Variants in ALDOA observed in about 807,000 individuals in gnomAD.
ALDOA encodes fructose-bisphosphate aldolase A.
ALDOA carries 26 observed loss-of-function variants against 43.9 expected under a neutral mutation model. The ratio of observed to expected loss-of-function variants is 0.59; its 90% CI spans 0.43 to 0.82. ALDOA has a LOEUF of 0.82. Ranked by LOEUF, ALDOA falls within the 40% of genes least tolerant of loss-of-function variation. The pLI is 0.00. For missense variants in ALDOA, 498 were observed against 549.5 expected, an observed-to-expected ratio of 0.91 and a Z score of 0.94; for synonymous variants, 258 against 222.6, an observed-to-expected ratio of 1.16 and a Z score of -1.42.
chr16:30,064,730 C>A (rs1438510918), upstream of ALDOA: 1 of 356,740 alleles, frequency 2.8e-6, no homozygotes, highest in African/African-American at 2.1e-5. Context: ...GCCCGGGAAC[C>A]CCTAGCTCAC....
rs2072160710 is a variant in ALDOA at position 30,067,518 on chromosome 16, C to G, written c.343C>G (p.Gln115Glu). ...CGAGGAGAACCGGCGCTTCTACCGC[C>G]AGCTGCTGCTGACAGCTGACGACCG... Reference protein sequence around the residue: ...NTEENRRFYRQLLLTADDRVN... With the variant: ...NTEENRRFYRELLLTADDRVN... The change falls in exon 4 of 10, where the codon CAG (glutamine) becomes GAG (glutamate). Residue 115 changes from glutamine to glutamate, a missense_variant. Physicochemically the swap from Gln to Glu is conservative, Grantham distance 29. Transcript: ENST00000642816. 4.3e-6 allele frequency: 7 copies of G among 1,613,902 alleles called. No homozygotes were observed. The highest frequency in any genetic ancestry group is 5.9e-6 in the Non-Finnish European group (7 of 1,180,026).
rs757847386 is a variant in ALDOA, at chr16:30,070,118, C to T, written c.1163C>T (p.Ala388Val). ...AQEEYVKRAL[A>V]NSLACQGKYT... ...CACTCCACCCCTCTCCCTGCTTAGG[C>T]CAACAGCCTTGCCTGTCAAGGAAAG... The change falls in exon 10 of 10, where the codon GCC becomes GTC. Residue 388 changes from alanine to valine, a missense_variant and splice_region_variant. Physicochemically the swap from Ala to Val is moderately conservative, Grantham distance 64. Coordinates refer to ENST00000642816, the MANE Select transcript of ALDOA (RefSeq NM_001243177.4). 16 of 1,613,916 alleles carry T rather than the reference C, an allele frequency of 9.9e-6. No individual in the cohort carries two copies. Among genetic ancestry groups the T allele is most frequent in the African/African-American group, 1.3e-5 (1 of 74,922 alleles).
chr16:30,068,174 C>T (rs996302742), intron 4 of ALDOA: 1 of 287,712 alleles, frequency 3.5e-6, no homozygotes, highest in Non-Finnish European at 6.8e-6. Flanking sequence ...ACGCCATTCT[C>T]CTGCCTCAGC....
rs2072256769 is a variant in ALDOA at position 30,069,814 on chromosome 16, C to T, written c.962-16C>T. 6.2e-7 allele frequency: 1 copy of T among 1,613,996 alleles called. No individual in the cohort carries two copies. The highest frequency in any genetic ancestry group is 8.5e-7 in the Non-Finnish European group (1 of 1,179,922). Reference sequence around the variant, plus strand: ...TCTCTGACCACAGCCCCTCTCGCCTCACCCCTGCTCTACAGGGATCACCTT... The same window carrying T: ...TCTCTGACCACAGCCCCTCTCGCCTTACCCCTGCTCTACAGGGATCACCTT... On this transcript the variant is annotated splice_polypyrimidine_tract_variant and intron_variant, in intron 8 of 9. Transcript: ENST00000642816.
Position 30,069,972 on chromosome 16 carries a change from G to T in ALDOA, c.1104G>T (p.Trp368Cys), listed in dbSNP as rs768647554. 6.2e-7 allele frequency: 1 copy of T among 1,613,924 alleles called. No homozygotes were observed. The highest frequency in any genetic ancestry group is 2.2e-5 in the East Asian group (1 of 44,868). Residue 368 changes from tryptophan to cysteine, a missense_variant, in exon 9 of 10, where the codon TGG (tryptophan) becomes TGT (cysteine). Transcript: ENST00000642816. ...TGCAGGCCTCTGCCCTGAAGGCCTGGGGCGGGAAGAAGGAGAACCTGAAGG... is the reference window on the plus strand; with the variant it reads ...TGCAGGCCTCTGCCCTGAAGGCCTGTGGCGGGAAGAAGGAGAACCTGAAGG... ...RALQASALKA[W>C]GGKKENLKAA...
chr16:30,068,576 C>T (rs542882908), intron 4 of ALDOA, 70 bp from the exon 5 acceptor site: 14 of 1,550,952 alleles, frequency 9.0e-6, no homozygotes, highest in Admixed American at 3.4e-5. Flanking sequence ...GTACTCCAGC[C>T]GGGGCGACAG....
chr16:30,067,442 A>C lies in ALDOA; in HGVS notation c.275-8A>C, dbSNP rs1232010707. 1.2e-6 allele frequency: 2 copies of C among 1,612,754 alleles called. No individual in the cohort carries two copies. Among genetic ancestry groups the C allele is most frequent in the African/African-American group, 1.3e-5 (1 of 74,626 alleles). On this transcript the variant is annotated splice_region_variant and splice_polypyrimidine_tract_variant and intron_variant, in intron 3 of 9. Coordinates refer to ENST00000642816, the MANE Select transcript of ALDOA (RefSeq NM_001243177.4). ...GCTGATCCCCTAATTCCCATGTGAC[A>C]CTCCCAGGGAGCATTGCCAAGCGGC...
chr16:30,067,897 A>C, intron 4 of ALDOA: 1 of 577,838 alleles, frequency 1.7e-6, no homozygotes. Flanking sequence ...TTTTGCTCAG[A>C]GTAAGTGGCA....
Position 30,069,482 on chromosome 16 carries a change from C to T in ALDOA, c.787-17C>T, listed in dbSNP as rs367758674. The T allele has an allele frequency of 1.4e-5, 23 of 1,613,948 alleles. No individual in the cohort carries two copies. The Middle Eastern group carries it at 4.9e-4, about 35-fold the overall frequency. ...CTCCTCCACCCCACTACCCACCGTG[C>T]GCCTGCTCTGCTCCAGGTGCTGGCT... is the stretch of plus-strand genomic sequence containing the variant. On this transcript the variant is annotated splice_polypyrimidine_tract_variant and intron_variant, in intron 7 of 9. Coordinates refer to ENST00000642816, the MANE Select transcript of ALDOA (RefSeq NM_001243177.4).
At chr16:30,064,368 G>A (rs2072033048), upstream of ALDOA, 1 of 398,824 alleles carries the variant, frequency 2.5e-6, no homozygotes, top group Non-Finnish European at 4.4e-6. Flanking sequence ...AGGAGCCAGG[G>A]AGGGTGGCAG....
rs1019851012 is a variant in ALDOA at position 30,070,182 on chromosome 16, G to T, written c.1227G>T (p.Glu409Asp). The change falls in exon 10 of 10, where the codon GAG (glutamate) becomes GAT (aspartate). Residue 409 changes from glutamate (E) to aspartate (D), a missense_variant. By Grantham distance (45) the Glu-to-Asp change is conservative. Transcript: ENST00000642816. Reference protein sequence around the residue: ...PSGQAGAAASESLFVSNHAY With the variant: ...PSGQAGAAASDSLFVSNHAY The stretch of plus-strand genomic sequence containing the variant: ...GTCAGGCTGGGGCTGCTGCCAGCGA[G>T]TCCCTCTTCGTCTCTAACCACGCCT... 8.7e-6 allele frequency: 14 copies of T among 1,614,046 alleles called. No homozygotes were observed. Among genetic ancestry groups the T allele is most frequent in the Non-Finnish European group, 1.2e-5 (14 of 1,180,052 alleles).
At position 30,068,720 on chromosome 16, in the gene ALDOA, C is replaced by T. The variant is rs2072207764; in HGVS notation, c.541+20C>T. ...CCCAAGGTGAGAACTGTTTGATTCT[C>T]TGCCCTACGAACCCAACCAGAGCAG... On this transcript the variant is annotated intron_variant, in intron 5 of 9. Coordinates refer to ENST00000642816, the MANE Select transcript of ALDOA (RefSeq NM_001243177.4). 1.2e-6 allele frequency: 2 copies of T among 1,614,248 alleles called. No individual in the cohort carries two copies. The highest frequency in any genetic ancestry group is 1.7e-5 in the Admixed American group (1 of 60,028).
rs1332829045 is a variant in ALDOA at position 30,069,941 on chromosome 16, G to A, written c.1073G>A (p.Arg358Gln). 11 of 1,614,008 alleles carry A rather than the reference G, an allele frequency of 6.8e-6. No individual in the cohort carries two copies. The highest frequency in any genetic ancestry group is 1.3e-5 in the African/African-American group (1 of 75,036). ...KPWALTFSYG[R>Q]ALQASALKAW... ...TGGGCCCTGACCTTCTCCTACGGCC[G>A]AGCCCTGCAGGCCTCTGCCCTGAAG... The change falls in exon 9 of 10, where the codon CGA (arginine) becomes CAA (glutamine). Residue 358 changes from arginine to glutamine, a missense_variant. Arg to Gln is a conservative substitution (Grantham distance 43, BLOSUM62 1). Transcript: ENST00000642816.
At chr16:30,064,424 G>T, upstream of ALDOA, 2 of 398,682 alleles carry the variant, frequency 5.0e-6, no homozygotes, top group Non-Finnish European at 8.8e-6. Context: ...CTTCCCACAG[G>T]TCCCTGGCCA....
At position 30,069,870 on chromosome 16, in the gene ALDOA, G is replaced by C. The variant is rs532473202; in HGVS notation, c.1002G>C (p.Ala334=). 1 of 1,614,116 alleles carries C rather than the reference G, an allele frequency of 6.2e-7. No individual in the cohort carries two copies. Among genetic ancestry groups the C allele is most frequent in the South Asian group, 1.1e-5 (1 of 91,074 alleles). The change falls in exon 9 of 10, where the codon GCG becomes GCC. Residue 334 remains alanine, a synonymous_variant. Transcript: ENST00000642816. The stretch of plus-strand genomic sequence containing the variant: ...CTGGAGGCCAGAGTGAGGAGGAGGC[G>C]TCCATCAACCTCAATGCCATTAACA... ...FLSGGQSEEE[A]SINLNAINKC...
rs928554225 is a variant in ALDOA, at chr16:30,070,288, CG to C, written c.*80del. On this transcript the variant is annotated 3_prime_UTR_variant, in exon 10 of 10. Transcript: ENST00000642816. Reference sequence around the variant, plus strand: ...ACTCTTGAAGAGGAGGCCGCCTCCTCGGGGCTCCAGGCTGGCTTGCCCGCGC... The same window carrying C: ...ACTCTTGAAGAGGAGGCCGCCTCCTCGGGCTCCAGGCTGGCTTGCCCGCGC... The C allele has an allele frequency of 3.0e-5, 44 of 1,461,598 alleles. No individual in the cohort carries two copies. In the African/African-American group the frequency reaches 5.7e-4, roughly 19 times the overall value. 90.5% of individuals were successfully genotyped at this position (1,461,598 alleles called of 1,614,324 possible).
chr16:30,065,618 C>T (rs2072070613), upstream of ALDOA: 1 of 152,184 alleles, frequency 6.6e-6, no homozygotes, highest in African/African-American at 2.4e-5. Flanking sequence ...CTTCCTAGCG[C>T]GGCCTCTGGG....
upstream of ALDOA, chr16:30,064,538 G>A (rs2072037043): frequency 2.5e-6 from 1 of 398,602 alleles, no homozygotes; most frequent in African/African-American, 2.1e-5. Context: ...CCCATCAATA[G>A]GGCCGACCCA....
In ALDOA at chr16:30,068,981, G is replaced by A. The variant is rs2072219927; in HGVS notation, c.702+3G>A. 1 of 1,614,194 alleles carries A rather than the reference G, an allele frequency of 6.2e-7. No individual in the cohort carries two copies. The highest frequency in any genetic ancestry group is 1.3e-5 in the African/African-American group (1 of 75,056). On this transcript the variant is annotated splice_donor_region_variant and intron_variant, in intron 6 of 9. Transcript: ENST00000642816. ...GTTATGCCAGTATCTGCCAGCAGGT[G>A]GGCCTGCAGGTCCTCAATAGGCAAC...
Sources: gnomAD v4.1 joint callset for allele counts on GRCh38, gnomAD v4.1.1 for gene constraint, MANE v1.5 for transcripts, NCBI Gene and HGNC (gene_info 2026-07-23, HGNC 2026-07-21) for gene names.